PLXND1: variants seen among roughly 807,000 people sequenced by gnomAD.
The protein encoded by PLXND1 is plexin-D1.
Under a neutral mutation model 197.7 loss-of-function variants are expected in PLXND1, and 54 were observed. That is an observed-to-expected ratio of 0.27 (90% CI 0.22 to 0.34). PLXND1 has a LOEUF of 0.34. Among genes scored for constraint, PLXND1 ranks in the 10% least tolerant of loss-of-function variants. The pLI is 1.00. For synonymous variants in PLXND1, 1,180 were observed against 1,161.2 expected, an observed-to-expected ratio of 1.02 and a Z score of -0.33; for missense variants, 2,127 against 2,699.2, an observed-to-expected ratio of 0.79 and a Z score of 4.70.
At chr3:129,591,354 G>A (rs2085538254) in intron 1 of PLXND1, 2 of 152,548 alleles carry the variant, frequency 1.3e-5, no homozygotes, top group Non-Finnish European at 1.5e-5. Flanking sequence ...CAAACGCCGG[G>A]CGTGGTGGCA....
At chr3:129,581,856 T>A (rs1375204571) in intron 8 of PLXND1, among the ~76,000 whole-genome samples, 1 of 152,236 alleles carries the variant, frequency 6.6e-6, no homozygotes, top group Non-Finnish European at 1.5e-5. Context: ...TCGCATCCCC[T>A]AGGTTAGCGC....
intron 11 of PLXND1, 108 bp downstream of exon 11, chr3:129,575,361 T>A: frequency 1.5e-6 from 1 of 682,982 alleles, no homozygotes; most frequent in Admixed American, 2.2e-5. Flanking sequence ...AACAATGGGG[T>A]GGGACATCTG....
intron 2 of PLXND1, among the ~76,000 whole-genome samples, chr3:129,587,508 C>A (rs775515324): frequency 6.6e-6 from 1 of 152,284 alleles, no homozygotes; most frequent in East Asian, 1.9e-4. Flanking sequence ...TTTTGCCTGG[C>A]CCTGCCTGTT....
At chr3:129,597,946 A>G (rs2085652348) in intron 1 of PLXND1, among the ~76,000 whole-genome samples, 1 of 152,170 alleles carries the variant, frequency 6.6e-6, no homozygotes, top group Non-Finnish European at 1.5e-5. Flanking sequence ...GTCCAGCCAC[A>G]GTGGGGGCTC....
chr3:129,569,726 CT>C lies in PLXND1; in HGVS notation c.3865+116del, dbSNP rs200949186. ...GCCTAACCTGTTCCCATGGCCAAGCCTTTGTTCAAGCTGTGCCCCATCCCAT... is the reference window on the plus strand; with the variant it reads ...GCCTAACCTGTTCCCATGGCCAAGCCTTGTTCAAGCTGTGCCCCATCCCAT... On this transcript the variant is annotated intron_variant, in intron 20 of 35. Coordinates refer to ENST00000324093, the MANE Select transcript of PLXND1 (RefSeq NM_015103.3). 740 of 669,676 alleles carry C rather than the reference CT, an allele frequency of 1.1e-3. 9 individuals are homozygous for C. The East Asian group carries it at 0.018, about 17-fold the overall frequency. The allele number at this position is 669,676 out of a possible 1,614,324, so 41.5% of individuals were successfully genotyped here.
At chr3:129,583,006 A>T (rs1164065765) in intron 8 of PLXND1, among the ~76,000 whole-genome samples, 1 of 152,164 alleles carries the variant, frequency 6.6e-6, no homozygotes, top group Non-Finnish European at 1.5e-5. Flanking sequence ...TTGGGACGCC[A>T]CTGCTCGTGC....
Position 129,555,668 on chromosome 3 carries a change from C to T in PLXND1, c.*644G>A. 1.8e-6 allele frequency: 1 copy of T among 544,812 alleles called. No homozygotes were observed. The highest frequency in any genetic ancestry group is 3.2e-6 in the Non-Finnish European group (1 of 312,654). The allele number at this position is 544,812 out of a possible 1,614,324, so 33.7% of individuals were successfully genotyped here. Reference sequence around the variant, plus strand: ...GAGACGGGGCTCCCAGCTCCTGTGCCCCCCATCCCTCCCCTCCACCCTCCC... The same window carrying T: ...GAGACGGGGCTCCCAGCTCCTGTGCTCCCCATCCCTCCCCTCCACCCTCCC... On this transcript the variant is annotated 3_prime_UTR_variant, in exon 36 of 36. Coordinates refer to ENST00000324093, the MANE Select transcript of PLXND1 (RefSeq NM_015103.3).
intron 2 of PLXND1, among the ~76,000 whole-genome samples, chr3:129,587,407 G>A (rs193194749): frequency 5.8e-4 from 88 of 152,298 alleles, no homozygotes; most frequent in African/African-American, 2.0e-3. Context: ...GGATTATCTG[G>A]GGCCTGGAAG....
intron 1 of PLXND1, among the ~76,000 whole-genome samples, chr3:129,599,865 G>A (rs963340123): frequency 1.3e-5 from 2 of 152,156 alleles, no homozygotes; most frequent in African/African-American, 2.4e-5. Context: ...TTCTATCTGC[G>A]GATCCAGACC....
Position 129,555,403 on chromosome 3 carries a change from C to T in PLXND1, c.*909G>A, listed in dbSNP as rs916256581. 5 of 635,756 alleles carry T rather than the reference C, an allele frequency of 7.9e-6. No homozygotes were observed. The highest frequency in any genetic ancestry group is 5.7e-5 in the African/African-American group (3 of 52,644). 39.4% of individuals were successfully genotyped at this position (635,756 alleles called of 1,614,324 possible). ...GGGTGGTAGTCTCAGGCGCCAGGGG[C>T]GCTCTGCCAGGTCTGCCCGCTCTCT... On this transcript the variant is annotated 3_prime_UTR_variant, in exon 36 of 36. Coordinates refer to ENST00000324093, the MANE Select transcript of PLXND1 (RefSeq NM_015103.3).
In PLXND1 at chr3:129,562,915, C is replaced by G. The variant is rs372633629; in HGVS notation, c.4697G>C (p.Gly1566Ala). The part of the protein sequence containing the change: ...RNLNVSFQGC[G>A]MDSLSVRAMD... Reference sequence around the variant, plus strand: ...GGCCCGCACGCTCAGCGAGTCCATGCCACAGCCCTGGAAGGACACGTTCAG... The same window carrying G: ...GGCCCGCACGCTCAGCGAGTCCATGGCACAGCCCTGGAAGGACACGTTCAG... Residue 1566 changes from glycine to alanine, a missense_variant, in exon 27 of 36, where the codon GGC becomes GCC. Physicochemically the swap from Gly to Ala is moderately conservative, Grantham distance 60. This residue lies in a region of PLXND1 where 532 missense variants were observed against 811.0 expected (regional missense o/e 0.66). Transcript: ENST00000324093. The G allele has an allele frequency of 1.2e-6, 2 of 1,606,360 alleles. No homozygotes were observed. The highest frequency in any genetic ancestry group is 1.3e-5 in the African/African-American group (1 of 74,786).
intron 1 of PLXND1, among the ~76,000 whole-genome samples, chr3:129,598,453 C>G (rs1239267863): frequency 6.6e-6 from 1 of 152,096 alleles, no homozygotes; most frequent in African/African-American, 2.4e-5. Flanking sequence ...GCTCCCCACC[C>G]AGAGCTTGGA....
At position 129,586,701 on chromosome 3, in the gene PLXND1, T is replaced by C. The variant is rs1439070141; in HGVS notation, c.1507A>G (p.Met503Val). Residue 503 changes from methionine to valine, a missense_variant, in exon 3 of 36, where the codon ATG (methionine) becomes GTG (valine). Met to Val is a conservative substitution (Grantham distance 21, BLOSUM62 1). Transcript: ENST00000324093. ...RLLKINLNES[M>V]QVVSRRVVTV... ...ACCACCCGCCTGCTCACCACCTGCA[T>C]GCTCTCGTTCAGGTTGATCTGTGGG... 2 of 1,599,238 alleles carry C rather than the reference T, an allele frequency of 1.3e-6. No individual in the cohort carries two copies. Among genetic ancestry groups the C allele is most frequent in the Admixed American group, 1.7e-5 (1 of 58,120 alleles).
At chr3:129,584,591 G>A (rs767626952) in intron 5 of PLXND1, 29 bp from the exon 6 acceptor site, 15 of 1,578,288 alleles carry the variant, frequency 9.5e-6, no homozygotes, top group East Asian at 6.7e-5. Context: ...CAGCTCTGGG[G>A]GTCCAGGCTA....
chr3:129,589,307 G>GCCGGGGGGCCCCCCCCCCCCCC, intron 2 of PLXND1, 44 bp downstream of exon 2: 1 of 684,692 alleles, frequency 1.5e-6, no homozygotes, highest in Admixed American at 2.3e-5. Flanking sequence ...TCCCAGGGGA[G>GCCGGGGGGCCCCCCCCCCCCCC]CCTCCCACCC....
In PLXND1 at chr3:129,602,045, A is replaced by C. The variant is rs556391898; in HGVS notation, c.1311+3284T>G. Reference sequence around the variant, plus strand: ...CATTGCTCCTTCTCACCAGCTACCTAGGGGCTTTCTAAAATAATAGGTAGA... The same window carrying C: ...CATTGCTCCTTCTCACCAGCTACCTCGGGGCTTTCTAAAATAATAGGTAGA... On this transcript the variant is annotated intron_variant, in intron 1 of 35. Transcript: ENST00000324093. 6.6e-5 allele frequency among the ~76,000 whole-genome samples: 10 copies of C among 152,294 alleles called. 1 individual carries two copies. The South Asian group carries it at 2.1e-3, about 32-fold the overall frequency.
chr3:129,589,307 G>GCGGGGC, intron 2 of PLXND1, 44 bp downstream of exon 2: 2 of 684,692 alleles, frequency 2.9e-6, no homozygotes, highest in Admixed American at 2.3e-5. Flanking sequence ...TCCCAGGGGA[G>GCGGGGC]CCTCCCACCC....
rs1270019473 is a variant in PLXND1, at chr3:129,555,481, G to A, written c.*831C>T. ...GGAGCCTCTCGGGACCCCTCCCCGG[G>A]TCCTCTGCGCAAGCGGCAGCTATTC... On this transcript the variant is annotated 3_prime_UTR_variant, in exon 36 of 36. Transcript: ENST00000324093. The A allele has an allele frequency of 2.9e-6, 2 of 681,264 alleles. No homozygotes were observed. The highest frequency in any genetic ancestry group is 3.1e-5 in the South Asian group (2 of 63,568). The allele number at this position is 681,264 out of a possible 1,614,324, so 42.2% of individuals were successfully genotyped here. A position where few individuals can be genotyped will look rare whatever the true frequency, so the allele number is the denominator to read the frequency against.
In PLXND1 at chr3:129,575,499, G is replaced by C. The variant is rs1322815391; in HGVS notation, c.2500C>G (p.Arg834Gly). ...ATGGGCTCAGGGCTGTCCAGGAATCGGGCTGGCCGCCCCTTTAGTTGGAGG... is the reference window on the plus strand; with the variant it reads ...ATGGGCTCAGGGCTGTCCAGGAATCCGGCTGGCCGCCCCTTTAGTTGGAGG... Reference protein sequence around the residue: ...LSLQLKGRPARFLDSPEPMTV... With the variant: ...LSLQLKGRPAGFLDSPEPMTV... Residue 834 changes from arginine to glycine, a missense_variant, in exon 11 of 36, where the codon CGA becomes GGA. Arg to Gly is a moderately radical substitution (Grantham distance 125). This residue lies in a region of PLXND1 where 1,095 missense variants were observed against 1,259.8 expected (regional missense o/e 0.87). Coordinates refer to ENST00000324093, the MANE Select transcript of PLXND1 (RefSeq NM_015103.3). The C allele has an allele frequency of 1.3e-6, 2 of 1,555,176 alleles. No individual in the cohort carries two copies. Among genetic ancestry groups the C allele is most frequent in the East Asian group, 2.4e-5 (1 of 41,324 alleles).
Sources: allele counts gnomAD v4.1 joint callset (sites outside exome capture counted in the v4.1 genomes callset), GRCh38; gene constraint gnomAD v4.1.1; regional missense constraint gnomAD v4.1.1; transcripts MANE v1.5; gene names NCBI Gene and HGNC (gene_info 2026-07-23, HGNC 2026-07-21).